The following LOC128125817 variants were observed in gnomAD, a reference collection of about 807,000 sequenced individuals.
At chr1:41,598,635 C>T in the LOC128125817 span, among the ~76,000 whole-genome samples, 6 of 152,150 alleles carry the variant, frequency 3.9e-5, no homozygotes, top group Non-Finnish European at 7.4e-5. Context: ...GCAAGTACTA[C>T]GTGGGCCTTC....
At chr1:41,594,544 G>C in the LOC128125817 span, among the ~76,000 whole-genome samples, 1 of 152,118 alleles carries the variant, frequency 6.6e-6, no homozygotes, top group East Asian at 1.9e-4. Context: ...TTTAAAACCT[G>C]TTTCTTGATC....
chr1:41,592,830 G>A, the LOC128125817 span, among the ~76,000 whole-genome samples: 18 of 152,224 alleles, frequency 1.2e-4, no homozygotes, highest in Non-Finnish European at 1.5e-5. Flanking sequence ...AGCAATCAGG[G>A]GGTTCTGTGC....
At chr1:41,615,932 T>A in the LOC128125817 span, among the ~76,000 whole-genome samples, 2 of 151,034 alleles carry the variant, frequency 1.3e-5, no homozygotes, top group South Asian at 4.2e-4. Context: ...TTATATTTGT[T>A]AAATATATTA....
At chr1:41,598,148 C>A in the LOC128125817 span, among the ~76,000 whole-genome samples, 2 of 152,184 alleles carry the variant, frequency 1.3e-5, no homozygotes, top group Non-Finnish European at 2.9e-5. Context: ...GAGAGTTGCG[C>A]AGGCCCAGCA....
chr1:41,585,734 C>A, the LOC128125817 span, among the ~76,000 whole-genome samples: 299 of 152,258 alleles, frequency 2.0e-3, 1 homozygote, highest in African/African-American at 6.7e-3. Context: ...ATAACAAATC[C>A]TGCCTCGACT....
At chr1:41,596,334 C>T in the LOC128125817 span, among the ~76,000 whole-genome samples, 2 of 152,196 alleles carry the variant, frequency 1.3e-5, no homozygotes, top group Non-Finnish European at 2.9e-5. Flanking sequence ...CCCCTCATAC[C>T]CTCTGACCTG....
At chr1:41,625,162 CAAAAAAAAAAAAAAA>C in the LOC128125817 span, among the ~76,000 whole-genome samples, 4 of 71,230 alleles carry the variant, frequency 5.6e-5, no homozygotes, top group East Asian at 5.1e-4. Flanking sequence ...GATTCCAACT[CAAAAAAAAAAAAAAA>C]AAAAAAAAAA....
chr1:41,591,965 A>G, the LOC128125817 span, among the ~76,000 whole-genome samples: 2 of 152,102 alleles, frequency 1.3e-5, no homozygotes, highest in Non-Finnish European at 2.9e-5. Flanking sequence ...TTTGAGGTCA[A>G]TTCCTCCTGA....
the LOC128125817 span, among the ~76,000 whole-genome samples, chr1:41,590,047 C>T: frequency 6.6e-6 from 1 of 152,180 alleles, no homozygotes; most frequent in Non-Finnish European, 1.5e-5. Flanking sequence ...GTACAACACT[C>T]TGTGTGTGTG....
the LOC128125817 span, among the ~76,000 whole-genome samples, chr1:41,597,135 A>AAAAGCAAATTCTATCG: frequency 1.3e-5 from 2 of 152,114 alleles, no homozygotes; most frequent in Non-Finnish European, 2.9e-5. Context: ...ACACTGGTCA[A>AAAAGCAAATTCTATCG]AAAGCAAATT....
At chr1:41,628,661 T>G in the LOC128125817 span, 10 of 995,778 alleles carry the variant, frequency 1.0e-5, no homozygotes, top group Non-Finnish European at 1.3e-5. Context: ...AATAATACAT[T>G]TTTCAGAGGA....
At chr1:41,600,970 C>T in the LOC128125817 span, among the ~76,000 whole-genome samples, 2 of 152,104 alleles carry the variant, frequency 1.3e-5, no homozygotes, top group African/African-American at 4.8e-5. Flanking sequence ...CATTCTTTTG[C>T]ATATGAATAT....
the LOC128125817 span, among the ~76,000 whole-genome samples, chr1:41,616,633 T>C: frequency 6.6e-6 from 1 of 150,898 alleles, no homozygotes; most frequent in Non-Finnish European, 1.5e-5. Flanking sequence ...TTTTTTTTTT[T>C]TTTGAGATGG....
the LOC128125817 span, among the ~76,000 whole-genome samples, chr1:41,619,337 A>AC: frequency 6.6e-6 from 1 of 152,156 alleles, no homozygotes; most frequent in Non-Finnish European, 1.5e-5. Context: ...TCCTTTCCTG[A>AC]CTGCCACCTT....
the LOC128125817 span, among the ~76,000 whole-genome samples, chr1:41,609,173 T>C: frequency 1.8e-4 from 28 of 152,360 alleles, no homozygotes; most frequent in Non-Finnish European, 2.8e-4. Flanking sequence ...ACTCATTGGC[T>C]GAGGCCAATG....
chr1:41,611,060 G>A, the LOC128125817 span, among the ~76,000 whole-genome samples: 1 of 152,228 alleles, frequency 6.6e-6, no homozygotes, highest in Non-Finnish European at 1.5e-5. Flanking sequence ...AAAGAAGGCC[G>A]TAGGCTCAGG....
chr1:41,621,817 C>T, the LOC128125817 span, among the ~76,000 whole-genome samples: 1 of 152,308 alleles, frequency 6.6e-6, no homozygotes, highest in South Asian at 2.1e-4. Flanking sequence ...CAGGCCTGGT[C>T]AGCCCTGCTC....
At chr1:41,611,599 G>T in the LOC128125817 span, among the ~76,000 whole-genome samples, 4 of 152,362 alleles carry the variant, frequency 2.6e-5, no homozygotes, top group African/African-American at 7.2e-5. Flanking sequence ...CAGGCAGGGG[G>T]TCTGCAGTGT....
chr1:41,621,674 G>A, the LOC128125817 span, among the ~76,000 whole-genome samples: 19 of 152,250 alleles, frequency 1.2e-4, no homozygotes, highest in East Asian at 3.3e-3. Flanking sequence ...CACCACATCT[G>A]GCTAAATTTT....
Sources: allele counts gnomAD v4.1 joint callset (sites outside exome capture counted in the v4.1 genomes callset), GRCh38; gene constraint gnomAD v4.1.1; transcripts MANE v1.5.